PLD5: variants seen among roughly 807,000 people sequenced by gnomAD.
The protein encoded by PLD5 is inactive phospholipase D5.
Under a neutral mutation model 61.1 loss-of-function variants are expected in PLD5, and 36 were observed. That is an observed-to-expected ratio of 0.59 (90% CI 0.45 to 0.78). The LOEUF is 0.78. Among genes scored for constraint, PLD5 ranks in the 30% least tolerant of loss-of-function variants. PLD5 has a pLI of 0.00. For missense variants in PLD5, 515 were observed against 644.4 expected, an observed-to-expected ratio of 0.80 and a Z score of 2.17; for synonymous variants, 243 against 242.8, an observed-to-expected ratio of 1.00 and a Z score of -0.01.
chr1:242,151,451 T>G (rs1664921215), intron 5 of PLD5, among the ~76,000 whole-genome samples: 1 of 151,676 alleles, frequency 6.6e-6, no homozygotes, highest in South Asian at 2.1e-4. Flanking sequence ...GGACACGGAG[T>G]TTTTTCCCCC....
intron 4 of PLD5, among the ~76,000 whole-genome samples, chr1:242,221,483 A>C (rs1003543753): frequency 6.6e-6 from 1 of 152,202 alleles, no homozygotes; most frequent in African/African-American, 2.4e-5. Flanking sequence ...AATTTACACT[A>C]TGAACTTAAT....
rs563163093 is a variant in PLD5 at position 242,088,154 on chromosome 1, C to T, written c.*1700G>A. 6.6e-6 allele frequency: 1 copy of T among 152,296 alleles called. No individual in the cohort carries two copies. The highest frequency in any genetic ancestry group is 2.4e-5 in the African/African-American group (1 of 41,574). The allele number at this position is 152,296 out of a possible 1,614,324, so 9.4% of individuals were successfully genotyped here. A position where few individuals can be genotyped will look rare whatever the true frequency, so the allele number is the denominator to read the frequency against. ...AATGAAAAAGAATAACTGAGTGTTT[C>T]CTTGCTCTGAAAATACATGTATATT... On this transcript the variant is annotated 3_prime_UTR_variant, in exon 10 of 10. Coordinates refer to ENST00000536534, the MANE Select transcript of PLD5 (RefSeq NM_001372062.1).
chr1:242,315,501 C>T (rs779923320), intron 2 of PLD5, among the ~76,000 whole-genome samples: 9 of 152,168 alleles, frequency 5.9e-5, no homozygotes, highest in Admixed American at 1.3e-4. Flanking sequence ...ACTCACTTAC[C>T]TTGCCTGGGG....
chr1:242,269,856 A>T (rs1673950426), intron 3 of PLD5, among the ~76,000 whole-genome samples: 1 of 151,770 alleles, frequency 6.6e-6, no homozygotes, highest in Admixed American at 6.6e-5. Context: ...TTAAAAAAAA[A>T]CTCTTCCTGC....
At chr1:242,218,226 G>A (rs9787279) in intron 5 of PLD5, among the ~76,000 whole-genome samples, 53,598 of 152,008 alleles carry the variant, frequency 0.35, 9,710 homozygotes, top group East Asian at 0.53. Flanking sequence ...TCTTACATCT[G>A]CATCTGAAGG....
At chr1:242,112,319 G>GTGTGTGTGTGTA (rs750346681) in intron 7 of PLD5, among the ~76,000 whole-genome samples, 2 of 94,516 alleles carry the variant, frequency 2.1e-5, no homozygotes, top group Non-Finnish European at 1.9e-5. Context: ...GTGTGTGTGT[G>GTGTGTGTGTGTA]TGTGTATGTA....
chr1:242,429,107 A>G (rs1665580440), intron 1 of PLD5, among the ~76,000 whole-genome samples: 1 of 152,228 alleles, frequency 6.6e-6, no homozygotes, highest in African/African-American at 2.4e-5. Context: ...TGACCACGAA[A>G]AAGTCATCTG....
chr1:242,201,832 A>G (rs1043505486), intron 5 of PLD5, among the ~76,000 whole-genome samples: 3 of 152,220 alleles, frequency 2.0e-5, no homozygotes, highest in Non-Finnish European at 4.4e-5. Flanking sequence ...ATTCTCCACC[A>G]TTTTGAAGAC....
chr1:242,439,959 T>C (rs549569258), intron 1 of PLD5, among the ~76,000 whole-genome samples: 2 of 152,190 alleles, frequency 1.3e-5, no homozygotes, highest in Non-Finnish European at 2.9e-5. Context: ...AACTCCAAAT[T>C]ACAGTTAGGT....
chr1:242,132,965 A>C (rs1459968227), intron 5 of PLD5, among the ~76,000 whole-genome samples: 1 of 152,116 alleles, frequency 6.6e-6, no homozygotes, highest in Non-Finnish European at 1.5e-5. Flanking sequence ...TCCACACCCA[A>C]GTAACAAAAG....
chr1:242,257,849 G>A (rs1008922353), intron 4 of PLD5, among the ~76,000 whole-genome samples: 5 of 152,128 alleles, frequency 3.3e-5, no homozygotes, highest in East Asian at 3.9e-4. Context: ...TTGTTTGTAC[G>A]GTCACTCTCT....
intron 5 of PLD5, among the ~76,000 whole-genome samples, chr1:242,218,987 A>G (rs1033024844): frequency 6.6e-6 from 1 of 152,240 alleles, no homozygotes; most frequent in Non-Finnish European, 1.5e-5. Context: ...TCTTCCACTT[A>G]CCATAAATGT....
intron 1 of PLD5, among the ~76,000 whole-genome samples, chr1:242,494,644 T>C (rs1212062256): frequency 6.6e-6 from 1 of 152,120 alleles, no homozygotes; most frequent in African/African-American, 2.4e-5. Context: ...CCAGCCAAGG[T>C]TTATTTTATG....
intron 2 of PLD5, among the ~76,000 whole-genome samples, chr1:242,306,230 T>G (rs115510130): frequency 0.063 from 9,100 of 145,070 alleles, 323 homozygotes; most frequent in Middle Eastern, 0.1. Context: ...GGGCTGAGAC[T>G]GAATTCCTGC....
intron 5 of PLD5, among the ~76,000 whole-genome samples, chr1:242,129,561 G>A (rs944141282): frequency 3.9e-5 from 6 of 152,188 alleles, no homozygotes; most frequent in African/African-American, 1.4e-4. Flanking sequence ...ATAATATAGA[G>A]ATCTGGGTTG....
At chr1:242,524,063 GC>G (rs1316900205) in intron 1 of PLD5, 24 bp downstream of exon 1, 2 of 1,525,738 alleles carry the variant, frequency 1.3e-6, no homozygotes, top group African/African-American at 2.8e-5. Context: ...CCTGGCCGAG[GC>G]CCCCGGGAGC....
intron 6 of PLD5, among the ~76,000 whole-genome samples, chr1:242,123,667 C>G (rs769948263): frequency 7.9e-5 from 12 of 152,192 alleles, no homozygotes; most frequent in Non-Finnish European, 1.6e-4. Context: ...ACACGGTGGC[C>G]CCAGCCGAAA....
intron 5 of PLD5, among the ~76,000 whole-genome samples, chr1:242,160,015 TA>T (rs63273061): frequency 0.02 from 3,111 of 152,038 alleles, 141 homozygotes; most frequent in East Asian, 0.11. Flanking sequence ...TTTTCCCTTT[TA>T]TTTTTTTTTG....
chr1:242,140,067 A>G (rs997486406), intron 5 of PLD5, among the ~76,000 whole-genome samples: 2 of 152,168 alleles, frequency 1.3e-5, no homozygotes, highest in African/African-American at 4.8e-5. Flanking sequence ...GTGCTTCTGC[A>G]TTGCAGGAAA....
Sources: gnomAD v4.1 joint callset for allele counts (sites outside exome capture counted in the v4.1 genomes callset) on GRCh38, gnomAD v4.1.1 for gene constraint, MANE v1.5 for transcripts, NCBI Gene and HGNC (gene_info 2026-07-23, HGNC 2026-07-21) for gene names.